The following IREB2 variants were observed in gnomAD, a reference collection of about 807,000 sequenced individuals.
The protein encoded by IREB2 is iron responsive element binding protein 2, also known as iron-responsive element-binding protein 2.
In IREB2, 39 loss-of-function variants were observed where a neutral mutation model predicts 118.8. The ratio of observed to expected loss-of-function variants is 0.33; its 90% CI spans 0.25 to 0.43. The LOEUF is 0.43. Ranked by LOEUF, IREB2 falls within the 20% of genes least tolerant of loss-of-function variation. The pLI is 1.00. For missense variants in IREB2, 900 were observed against 1,147.3 expected (o/e 0.78, Z 3.11); for synonymous variants, 372 against 392.2 (o/e 0.95, Z 0.61).
chr15:78,499,463 G>C lies in IREB2; in HGVS notation c.*1320G>C, dbSNP rs1471456231. Reference sequence around the variant, plus strand: ...TCTTTCTATGACCTAGTTAGTTACTGCAATTCAGAATTAGTTCACATTGCA... The same window carrying C: ...TCTTTCTATGACCTAGTTAGTTACTCCAATTCAGAATTAGTTCACATTGCA... On this transcript the variant is annotated 3_prime_UTR_variant, in exon 22 of 22. Coordinates refer to ENST00000258886, the MANE Select transcript of IREB2 (RefSeq NM_004136.4). The C allele has an allele frequency of 6.6e-6, 1 of 152,044 alleles. No homozygotes were observed. Among genetic ancestry groups the C allele is most frequent in the Admixed American group, 6.6e-5 (1 of 15,254 alleles). The allele number at this position is 152,044 out of a possible 1,614,324, so 9.4% of individuals were successfully genotyped here.
chr15:78,438,763 G>T (rs1052064607), intron 1 of IREB2: 2 of 274,646 alleles, frequency 7.3e-6, no homozygotes, highest in South Asian at 4.2e-5. Flanking sequence ...CGGGTCTCAC[G>T]CAGCTAGATG....
chr15:78,485,441 T>G (rs2051642632), intron 12 of IREB2, among the ~76,000 whole-genome samples: 1 of 152,192 alleles, frequency 6.6e-6, no homozygotes, highest in Non-Finnish European at 1.5e-5. Context: ...TTTGTTAACA[T>G]GTACTTATAT....
intron 1 of IREB2, chr15:78,438,651 T>C: frequency 4.0e-6 from 2 of 494,036 alleles, no homozygotes; most frequent in South Asian, 5.2e-5. Context: ...AGCGGCTTCC[T>C]GGCCCCCGTC....
intron 2 of IREB2, among the ~76,000 whole-genome samples, chr15:78,460,053 T>C (rs778846199): frequency 7.2e-5 from 11 of 152,258 alleles, no homozygotes; most frequent in South Asian, 6.2e-4. Flanking sequence ...ATGTAGTTTT[T>C]TGTTTCATCA....
chr15:78,472,771 C>T (rs959360238), intron 7 of IREB2, among the ~76,000 whole-genome samples: 10 of 152,182 alleles, frequency 6.6e-5, no homozygotes, highest in African/African-American at 2.4e-4. Context: ...ATTAACTCAT[C>T]CAAGACTGGC....
intron 8 of IREB2, chr15:78,475,228 C>T (rs183990731): frequency 1.3e-5 from 2 of 152,016 alleles, no homozygotes; most frequent in Admixed American, 6.6e-5. Flanking sequence ...CATTCTTAGT[C>T]GCCTCCTTAG....
At chr15:78,466,062 T>C (rs570008262) in intron 4 of IREB2, among the ~76,000 whole-genome samples, 2 of 152,324 alleles carry the variant, frequency 1.3e-5, no homozygotes, top group African/African-American at 4.8e-5. Context: ...AGAATTCTGT[T>C]TTCATTTCTG....
intron 13 of IREB2, 33 bp downstream of exon 13, chr15:78,485,873 T>C (rs1296296034): frequency 3.1e-6 from 5 of 1,595,718 alleles, no homozygotes; most frequent in East Asian, 2.2e-5. Flanking sequence ...CATATTGATA[T>C]TGGTGTTCAG....
In IREB2 at chr15:78,488,180, G is replaced by A; in HGVS notation, c.1795G>A (p.Gly599Ser). 1 of 1,601,534 alleles carries A rather than the reference G, an allele frequency of 6.2e-7. No individual in the cohort carries two copies. Among genetic ancestry groups the A allele is most frequent in the South Asian group, 1.1e-5 (1 of 88,736 alleles). The change falls in exon 15 of 22, where the codon GGT (glycine) becomes AGT (serine). Residue 599 changes from glycine (G) to serine (S), a missense_variant and splice_region_variant. Physicochemically the swap from Gly to Ser is moderately conservative, Grantham distance 56. Transcript: ENST00000258886. The stretch of plus-strand genomic sequence containing the variant: ...GTTTGTGTGTTTGTGTTTTTTTCAG[G>A]GTGATTTGGTTACCTGTGGAATTTT... ...SDAVLNAVKQ[G>S]DLVTCGILSG...
intron 5 of IREB2, among the ~76,000 whole-genome samples, chr15:78,469,720 G>A (rs1397433493): frequency 1.3e-5 from 2 of 151,152 alleles, no homozygotes; most frequent in East Asian, 1.9e-4. Flanking sequence ...GCGAAACTCC[G>A]TCTCAAAAAA....
intron 10 of IREB2, among the ~76,000 whole-genome samples, chr15:78,483,102 T>G (rs1368499859): frequency 6.6e-6 from 1 of 152,192 alleles, no homozygotes; most frequent in Non-Finnish European, 1.5e-5. Flanking sequence ...GATCTACTAG[T>G]CTTGATTTTA....
chr15:78,492,716 A>G (rs1160110917), intron 18 of IREB2, among the ~76,000 whole-genome samples: 4 of 152,024 alleles, frequency 2.6e-5, no homozygotes, highest in Non-Finnish European at 4.4e-5. Context: ...TCGCACCGTC[A>G]TGCCTGGATA....
At chr15:78,459,925 C>G (rs2051170143) in intron 2 of IREB2, among the ~76,000 whole-genome samples, 2 of 152,166 alleles carry the variant, frequency 1.3e-5, no homozygotes. Flanking sequence ...TACTTTCCTA[C>G]TAACCCCCAT....
intron 14 of IREB2, 22 bp from the exon 15 acceptor site, chr15:78,488,158 T>G (rs2051691789): frequency 1.9e-6 from 3 of 1,594,472 alleles, no homozygotes; most frequent in African/African-American, 2.7e-5. Context: ...TTTATTTGTT[T>G]GTGTGTTTGT....
Position 78,478,341 on chromosome 15 carries a change from G to T in IREB2, c.1240G>T (p.Ala414Ser), listed in dbSNP as rs147864988. Residue 414 changes from alanine (A) to serine (S), a missense_variant, in exon 10 of 22, where the codon GCT becomes TCT. Physicochemically the swap from Ala to Ser is moderately conservative, Grantham distance 99. Transcript: ENST00000258886. ...CGAATCAATGGAAACATACCTTAAA[G>T]CTGTGAAATTGTTTCGAAATGACCA... ...KLESMETYLK[A>S]VKLFRNDQNS... 48 of 1,613,862 alleles carry T rather than the reference G, an allele frequency of 3.0e-5. No individual in the cohort carries two copies. The African/African-American group carries it at 5.9e-4, about 20-fold the overall frequency.
Position 78,498,227 on chromosome 15 carries a change from C to A in IREB2, c.*84C>A. The A allele has an allele frequency of 1.4e-6, 1 of 717,926 alleles. No homozygotes were observed. The highest frequency in any genetic ancestry group is 2.5e-6 in the Non-Finnish European group (1 of 396,654). 44.5% of individuals were successfully genotyped at this position (717,926 alleles called of 1,614,324 possible). ...CCCAGGAATCCTTACCATGGAGCAG[C>A]AGATAGTCCCAGTATACTCACTTAT... On this transcript the variant is annotated 3_prime_UTR_variant, in exon 22 of 22. Coordinates refer to ENST00000258886, the MANE Select transcript of IREB2 (RefSeq NM_004136.4).
In IREB2 at chr15:78,483,360, G is replaced by A. The variant is rs2051607671; in HGVS notation, c.1339G>A (p.Gly447Ser). Residue 447 changes from glycine to serine, a missense_variant, in exon 11 of 22, where the codon GGT becomes AGT. Transcript: ENST00000258886. Reference sequence around the variant, plus strand: ...GAATTCAATAGTTCCATCTGTTAGTGGTCCAAAAAGACCTCAGGATAGAGT... The same window carrying A: ...GAATTCAATAGTTCCATCTGTTAGTAGTCCAAAAAGACCTCAGGATAGAGT... ...NLNSIVPSVS[G>S]PKRPQDRVAV... 6.2e-7 allele frequency: 1 copy of A among 1,604,056 alleles called. No individual in the cohort carries two copies. The highest frequency in any genetic ancestry group is 1.7e-5 in the Admixed American group (1 of 59,956).
Position 78,442,491 on chromosome 15 carries a change from T to A in IREB2, c.106+2610T>A, listed in dbSNP as rs28371969. ...TTCCACATTTTGATGCCTGCTAGGT[T>A]GAGAATGACTGTTGTAATGAGTAAC... On this transcript the variant is annotated intron_variant, in intron 2 of 21. Transcript: ENST00000258886. 1.9e-3 allele frequency among the ~76,000 whole-genome samples: 290 copies of A among 152,268 alleles called. 2 individuals carry two copies. The highest frequency in any genetic ancestry group is 6.7e-3 in the African/African-American group (278 of 41,554).
rs2051944551 is a variant in IREB2 at position 78,501,424 on chromosome 15, A to C, written c.*3281A>C. On this transcript the variant is annotated 3_prime_UTR_variant, in exon 22 of 22. Coordinates refer to ENST00000258886, the MANE Select transcript of IREB2 (RefSeq NM_004136.4). Reference sequence around the variant, plus strand: ...GTATATGTTACTGATGCTGTAAATTATTTTTAATAAAGAAAATTGTATTAT... The same window carrying C: ...GTATATGTTACTGATGCTGTAAATTCTTTTTAATAAAGAAAATTGTATTAT... 1 of 152,624 alleles carries C rather than the reference A, an allele frequency of 6.6e-6. No homozygotes were observed. The highest frequency in any genetic ancestry group is 2.4e-5 in the African/African-American group (1 of 41,450). The allele number at this position is 152,624 out of a possible 1,614,324, so 9.5% of individuals were successfully genotyped here. A position where few individuals can be genotyped will look rare whatever the true frequency, so the allele number is the denominator to read the frequency against.
Sources: allele counts gnomAD v4.1 joint callset (sites outside exome capture counted in the v4.1 genomes callset), GRCh38; gene constraint gnomAD v4.1.1; transcripts MANE v1.5; gene names NCBI Gene and HGNC (gene_info 2026-07-23, HGNC 2026-07-21).